SLC6A15: variants seen among roughly 807,000 people sequenced by gnomAD.
SLC6A15 encodes sodium-dependent neutral amino acid transporter B(0)AT2.
A neutral mutation model predicts 68.5 loss-of-function variants in SLC6A15; 33 were observed. That is an observed-to-expected ratio of 0.48 (90% CI 0.37 to 0.64). The LOEUF is 0.64. Among genes scored for constraint, SLC6A15 ranks in the 30% least tolerant of loss-of-function variants. The pLI is 0.00. For missense variants in SLC6A15, 747 were observed against 874.3 expected (o/e 0.85, Z 1.84); for synonymous variants, 347 against 301.0 (o/e 1.15, Z -1.58).
chr12:84,881,549 T>A (rs539724986), intron 5 of SLC6A15: 143 of 985,310 alleles, frequency 1.5e-4, no homozygotes, highest in Non-Finnish European at 1.6e-4. Flanking sequence ...AAGGACAATG[T>A]CCCTATCATA....
intron 3 of SLC6A15, 99 bp from the exon 4 acceptor site, chr12:84,885,660 C>G (rs1440110882): frequency 2.3e-6 from 3 of 1,284,698 alleles, no homozygotes; most frequent in Non-Finnish European, 3.2e-6. Flanking sequence ...TTAAAATCCT[C>G]TTCATTTTAT....
rs139469496 is a variant in SLC6A15 at position 84,894,710 on chromosome 12, C to T, written c.-188-2402G>A. Among the ~76,000 whole-genome samples the T allele has an allele frequency of 7.2e-5, 11 of 152,194 alleles. No homozygotes were observed. In the East Asian group the frequency reaches 2.1e-3, roughly 29 times the overall value. On this transcript the variant is annotated intron_variant, in intron 1 of 11. Coordinates refer to ENST00000266682, the MANE Select transcript of SLC6A15 (RefSeq NM_182767.6). ...TTTGGCTACTACTGCATGTTTTTTA[C>T]ACACCAAGTGAATAATCCTCACCAA...
intron 1 of SLC6A15, among the ~76,000 whole-genome samples, chr12:84,901,292 T>C (rs1252686340): frequency 2.6e-5 from 4 of 151,768 alleles, no homozygotes; most frequent in South Asian, 2.1e-4. Flanking sequence ...TTCATTGATA[T>C]ACAGCTACTA....
intron 1 of SLC6A15, among the ~76,000 whole-genome samples, chr12:84,902,342 T>G (rs1338694773): frequency 6.6e-6 from 1 of 152,002 alleles, no homozygotes; most frequent in Non-Finnish European, 1.5e-5. Context: ...ACTTTGTTTT[T>G]TAAATTAATA....
At chr12:84,865,698 G>T (rs1871034849) in intron 10 of SLC6A15, among the ~76,000 whole-genome samples, 1 of 152,138 alleles carries the variant, frequency 6.6e-6, no homozygotes, top group Admixed American at 6.5e-5. Context: ...TTATAATATA[G>T]GGGAATCTTA....
At position 84,876,562 on chromosome 12, in the gene SLC6A15, A is replaced by G; in HGVS notation, c.802T>C (p.Phe268Leu). The change falls in exon 6 of 12, where the codon TTC (phenylalanine) becomes CTC (leucine). Residue 268 changes from phenylalanine (F) to leucine (L), a missense_variant. Coordinates refer to ENST00000266682, the MANE Select transcript of SLC6A15 (RefSeq NM_182767.6). ...SLFPYVVLIC[F>L]LIRAFLLNGS... Reference sequence around the variant, plus strand: ...TTTAAAAGGAATGCTCTGATGAGGAAGCAAATAAGTACCACATATGGAAAC... The same window carrying G: ...TTTAAAAGGAATGCTCTGATGAGGAGGCAAATAAGTACCACATATGGAAAC... The G allele has an allele frequency of 1.3e-6, 2 of 1,597,992 alleles. No homozygotes were observed. Among genetic ancestry groups the G allele is most frequent in the Non-Finnish European group, 1.7e-6 (2 of 1,172,682 alleles).
At chr12:84,869,760 A>G (rs1871211074) in intron 9 of SLC6A15, among the ~76,000 whole-genome samples, 1 of 152,140 alleles carries the variant, frequency 6.6e-6, no homozygotes, top group Admixed American at 6.5e-5. Context: ...TCTTATATGT[A>G]AAATCCATTA....
chr12:84,863,444 C>T lies in SLC6A15; in HGVS notation c.1813G>A (p.Asp605Asn), dbSNP rs989031840. The T allele has an allele frequency of 3.2e-6, 5 of 1,563,732 alleles. No individual in the cohort carries two copies. The highest frequency in any genetic ancestry group is 3.4e-4 in the Middle Eastern group (2 of 5,908). ...TTCCCTTATTTTGTATTTACCTTAT[C>T]TTCAATCCATGCGTTATAGCCAGGA... ...SPPGYNAWIE[D>N]KASEEFLSYP... Residue 605 changes from aspartate to asparagine, a missense_variant, in exon 11 of 12, where the codon GAT becomes AAT. By Grantham distance (23) the Asp-to-Asn change is conservative. Transcript: ENST00000266682.
intron 1 of SLC6A15, among the ~76,000 whole-genome samples, chr12:84,911,012 C>T (rs973774346): frequency 6.6e-6 from 1 of 151,946 alleles, no homozygotes; most frequent in Non-Finnish European, 1.5e-5. Flanking sequence ...TTTAGTCCAT[C>T]ATTAAGTATT....
rs1285472331 is a variant in SLC6A15 at position 84,861,841 on chromosome 12, C to T, written c.1984G>A (p.Val662Ile). ...LASVTYKRGRVLKEPVNLEGD... is the reference protein window; with the variant it reads ...LASVTYKRGRILKEPVNLEGD... ...TCTAAGTTCACAGGCTCTTTCAGGA[C>T]CCTTCCTCTCTTATAGGTCACAGAT... The change falls in exon 12 of 12, where the codon GTC (valine) becomes ATC (isoleucine). Residue 662 changes from valine to isoleucine, a missense_variant. Val to Ile is a conservative substitution (Grantham distance 29). Coordinates refer to ENST00000266682, the MANE Select transcript of SLC6A15 (RefSeq NM_182767.6). 1.9e-6 allele frequency: 3 copies of T among 1,613,754 alleles called. No individual in the cohort carries two copies. The highest frequency in any genetic ancestry group is 1.7e-5 in the Admixed American group (1 of 59,944).
At chr12:84,863,372 G>A (rs924640358) in intron 11 of SLC6A15, 67 bp downstream of exon 11, 4 of 1,218,968 alleles carry the variant, frequency 3.3e-6, no homozygotes, top group Non-Finnish European at 3.4e-6. Flanking sequence ...GGAGACAAAA[G>A]AAAAAGCCCT....
At chr12:84,872,434 A>C (rs560786183) in intron 8 of SLC6A15, among the ~76,000 whole-genome samples, 168 bp downstream of exon 8, 3 of 152,240 alleles carry the variant, frequency 2.0e-5, no homozygotes, top group African/African-American at 7.2e-5. Context: ...ATATTCTCTA[A>C]AATTAAGAAT....
In SLC6A15 at chr12:84,861,892, T is replaced by C; in HGVS notation, c.1933A>G (p.Ile645Val). The change falls in exon 12 of 12, where the codon ATA becomes GTA. Residue 645 changes from isoleucine to valine, a missense_variant. By Grantham distance (29) the Ile-to-Val change is conservative. Coordinates refer to ENST00000266682, the MANE Select transcript of SLC6A15 (RefSeq NM_182767.6). ...GCTAAATTACCAGAACTATCATCTA[T>C]AAGGTTGAAGCGACGAACAATGAAA... ...VVFIVRRFNLIDDSSGNLASV... is the reference protein window; with the variant it reads ...VVFIVRRFNLVDDSSGNLASV... 1.9e-6 allele frequency: 3 copies of C among 1,613,904 alleles called. No homozygotes were observed. Among genetic ancestry groups the C allele is most frequent in the South Asian group, 1.1e-5 (1 of 91,074 alleles).
At chr12:84,873,426 T>C in intron 6 of SLC6A15, 98 bp from the exon 7 acceptor site, 2 of 1,326,624 alleles carry the variant, frequency 1.5e-6, no homozygotes, top group Non-Finnish European at 2.1e-6. Context: ...ACAATGATAT[T>C]TATGCATCCA....
chr12:84,862,015 G>A lies in SLC6A15; in HGVS notation c.1819-9C>T. 6.4e-7 allele frequency: 1 copy of A among 1,561,216 alleles called. No homozygotes were observed. The highest frequency in any genetic ancestry group is 8.6e-7 in the Non-Finnish European group (1 of 1,159,166). On this transcript the variant is annotated splice_polypyrimidine_tract_variant and intron_variant, in intron 11 of 11. Coordinates refer to ENST00000266682, the MANE Select transcript of SLC6A15 (RefSeq NM_182767.6). Reference sequence around the variant, plus strand: ...AGAAATTCTTCAGATGCCTGTTAAAGAAGAAAATAATAATTATTAGTAATC... The same window carrying A: ...AGAAATTCTTCAGATGCCTGTTAAAAAAGAAAATAATAATTATTAGTAATC...
At chr12:84,870,978 T>C (rs1343369194) in intron 8 of SLC6A15, among the ~76,000 whole-genome samples, 1 of 152,028 alleles carries the variant, frequency 6.6e-6, no homozygotes, top group Non-Finnish European at 1.5e-5. Context: ...GAATACATAA[T>C]ATTTTTGGTT....
chr12:84,910,707 G>A (rs1306874094), intron 1 of SLC6A15, among the ~76,000 whole-genome samples: 1 of 152,086 alleles, frequency 6.6e-6, no homozygotes, highest in Non-Finnish European at 1.5e-5. Context: ...ACAACAGAAC[G>A]ACATCGCGCC....
intron 2 of SLC6A15, among the ~76,000 whole-genome samples, chr12:84,889,959 T>C (rs1003083888): frequency 6.6e-6 from 1 of 152,196 alleles, no homozygotes; most frequent in African/African-American, 2.4e-5. Context: ...ACCTTTTTTT[T>C]CTATTACTCA....
chr12:84,910,740 C>T (rs1301194506), intron 1 of SLC6A15, among the ~76,000 whole-genome samples: 1 of 152,188 alleles, frequency 6.6e-6, no homozygotes, highest in Admixed American at 6.5e-5. Context: ...AGAACCGCCT[C>T]TTCATGGAAG....
Sources: allele counts gnomAD v4.1 joint callset (sites outside exome capture counted in the v4.1 genomes callset), GRCh38; gene constraint gnomAD v4.1.1; transcripts MANE v1.5; gene names NCBI Gene and HGNC (gene_info 2026-07-23, HGNC 2026-07-21).